ARHGEF18: variants seen among roughly 807,000 people sequenced by gnomAD.
The protein encoded by ARHGEF18 is rho guanine nucleotide exchange factor 18.
A neutral mutation model predicts 155.7 loss-of-function variants in ARHGEF18; 93 were observed. The observed-to-expected ratio is 0.60, with a 90% CI of 0.50 to 0.71. The LOEUF (loss-of-function observed/expected upper bound fraction) is 0.71. Among genes scored for constraint, ARHGEF18 ranks in the 30% least tolerant of loss-of-function variants. The pLI, the probability that ARHGEF18 is intolerant of heterozygous loss-of-function variation, is 0.00. For missense variants in ARHGEF18, 1,593 were observed against 1,816.1 expected (o/e 0.88, Z 2.23); for synonymous variants, 742 against 753.1 (o/e 0.99, Z 0.24).
chr19:7,375,462 A>G (rs1398142495), intron 3 of ARHGEF18, among the ~76,000 whole-genome samples: 2 of 152,116 alleles, frequency 1.3e-5, no homozygotes, highest in Non-Finnish European at 2.9e-5. Context: ...AAGAAAGAGA[A>G]AACCAGTCTG....
In ARHGEF18 at chr19:7,395,276, G is replaced by A. The variant is rs894844069; in HGVS notation, c.967+12073G>A. On this transcript the variant is annotated intron_variant, in intron 10 of 28. Coordinates refer to ENST00000668164, the MANE Select transcript of ARHGEF18 (RefSeq NM_001367823.1). The surrounding 1 kb of genome is among the most constrained non-coding windows in gnomAD (Gnocchi z 5.0). ...AGGACGGCGGCGGGGCGGTCCCGAG[G>A]AAAACGGGGCTCAGGAGGGGGCCCT... 5.8e-5 allele frequency: 57 copies of A among 985,840 alleles called. No homozygotes were observed. The highest frequency in any genetic ancestry group is 6.6e-5 in the Non-Finnish European group (55 of 830,408). The allele number at this position is 985,840 out of a possible 1,614,324, so 61.1% of individuals were successfully genotyped here.
chr19:7,464,374 T>C (rs566951949), intron 22 of ARHGEF18, among the ~76,000 whole-genome samples, 186 bp from the exon 23 acceptor site: 47 of 152,186 alleles, frequency 3.1e-4, no homozygotes, highest in African/African-American at 9.4e-4. Context: ...CCAGACATCG[T>C]TGGTTGTGTT....
At chr19:7,364,438 G>A (rs1310056714) in intron 2 of ARHGEF18, among the ~76,000 whole-genome samples, 1 of 146,908 alleles carries the variant, frequency 6.8e-6, no homozygotes, top group Admixed American at 6.9e-5. Context: ...AGCCTAGAAA[G>A]GTAGACTGAC....
intron 1 of ARHGEF18, among the ~76,000 whole-genome samples, chr19:7,352,604 G>C (rs2145308353): frequency 7.3e-6 from 1 of 137,854 alleles, no homozygotes; most frequent in Non-Finnish European, 1.5e-5. Flanking sequence ...CATGATCTGG[G>C]CTCACTGCAA....
rs908143746 is a variant in ARHGEF18 at position 7,440,509 on chromosome 19, CG to C, written c.1106+30del. On this transcript the variant is annotated intron_variant, in intron 11 of 28. Coordinates refer to ENST00000668164, the MANE Select transcript of ARHGEF18 (RefSeq NM_001367823.1). This position sits in a 1 kb window ranked among gnomAD's most constrained non-coding sequence, Gnocchi z 5.4. ...TAAGCCAGGGTCCCCTCTGTGCCCT[CG>C]GGTGGGTGGTGGCATTCCCCGGGGA... 6.4e-7 allele frequency: 1 copy of C among 1,574,018 alleles called. No homozygotes were observed. Among genetic ancestry groups the C allele is most frequent in the African/African-American group, 1.3e-5 (1 of 74,506 alleles).
rs571159873 is a variant in ARHGEF18, at chr19:7,468,959, C to A, written c.3615C>A (p.Thr1205=). 1 of 1,585,208 alleles carries A rather than the reference C, an allele frequency of 6.3e-7. No individual in the cohort carries two copies. Among genetic ancestry groups the A allele is most frequent in the Non-Finnish European group, 8.6e-7 (1 of 1,167,236 alleles). ...TGGCTCGCCGGGACAGCGCCCCCAC[C>A]GAGAACCGGCTGGCCAAGAGCGATG... ...PEVARRDSAP[T]ENRLAKSDVP... is the part of the protein sequence containing the mutation. Residue 1205 remains threonine, a synonymous_variant, in exon 27 of 29, where the codon ACC becomes ACA. Coordinates refer to ENST00000668164, the MANE Select transcript of ARHGEF18 (RefSeq NM_001367823.1).
intron 18 of ARHGEF18, among the ~76,000 whole-genome samples, chr19:7,458,194 G>A (rs1016863289): frequency 2.6e-5 from 4 of 151,576 alleles, no homozygotes; most frequent in Non-Finnish European, 5.9e-5. Flanking sequence ...GGCTGAGGTG[G>A]GAGGATCACT....
chr19:7,453,068 G>A (rs572768845), intron 16 of ARHGEF18, among the ~76,000 whole-genome samples: 9 of 151,808 alleles, frequency 5.9e-5, no homozygotes, highest in African/African-American at 1.7e-4. Context: ...GCATGGTGGC[G>A]GGTGCCTGTA....
At position 7,412,123 on chromosome 19, in the gene ARHGEF18, C is replaced by T. The variant is rs908159049; in HGVS notation, c.968-28221C>T. 1.8e-4 allele frequency among the ~76,000 whole-genome samples: 28 copies of T among 151,610 alleles called. No homozygotes were observed. The South Asian group carries it at 5.6e-3, about 31-fold the overall frequency. ...TGATCTTGGCTCACTGCAACCTCTG[C>T]CTCCCGGGTTCAAGCAATTCTCCTG... On this transcript the variant is annotated intron_variant, in intron 10 of 28. Transcript: ENST00000668164.
chr19:7,415,317 C>T (rs867016752), intron 10 of ARHGEF18, among the ~76,000 whole-genome samples: 2 of 151,992 alleles, frequency 1.3e-5, no homozygotes, highest in African/African-American at 2.4e-5. Flanking sequence ...CCCGTGCCAG[C>T]GGCTGCCTGC....
In ARHGEF18 at chr19:7,434,635, G is replaced by A. The variant is rs993682871; in HGVS notation, c.968-5709G>A. ...ACCCCAAGCACCATGGCCGTCTGCT[G>A]TAGGAAAAACCGTAGCAGGAGATAA... On this transcript the variant is annotated intron_variant, in intron 10 of 28. Coordinates refer to ENST00000668164, the MANE Select transcript of ARHGEF18 (RefSeq NM_001367823.1). Among the ~76,000 whole-genome samples the A allele has an allele frequency of 6.6e-5, 10 of 152,182 alleles. No homozygotes were observed. The East Asian group carries it at 1.2e-3, about 18-fold the overall frequency.
intron 10 of ARHGEF18, among the ~76,000 whole-genome samples, chr19:7,400,316 A>G (rs1163881852): frequency 6.6e-6 from 1 of 152,058 alleles, no homozygotes; most frequent in Non-Finnish European, 1.5e-5. Flanking sequence ...TAATTCCAGG[A>G]CATCTTATTA....
At chr19:7,459,758 C>A in intron 19 of ARHGEF18, 145 bp from the exon 20 acceptor site, 1 of 646,722 alleles carries the variant, frequency 1.5e-6, no homozygotes, top group Non-Finnish European at 2.6e-6. Flanking sequence ...CTCTCTTCCC[C>A]TCCTCGTCCT....
At chr19:7,467,793 G>A (rs1418215344) in intron 26 of ARHGEF18, 109 bp downstream of exon 26, 1 of 1,136,702 alleles carries the variant, frequency 8.8e-7, no homozygotes, top group Non-Finnish European at 1.2e-6. Context: ...GTGCAGGAGT[G>A]TAAGAGCAAA....
At chr19:7,455,052 C>A (rs538156814) in intron 17 of ARHGEF18, among the ~76,000 whole-genome samples, 1 of 152,270 alleles carries the variant, frequency 6.6e-6, no homozygotes, top group South Asian at 2.1e-4. Context: ...ATTTTTGGAG[C>A]CTCTAGAAAC....
At chr19:7,360,703 G>A (rs987091264) in intron 1 of ARHGEF18, among the ~76,000 whole-genome samples, 3 of 152,344 alleles carry the variant, frequency 2.0e-5, no homozygotes, top group African/African-American at 7.2e-5. Flanking sequence ...GGACTTGGCT[G>A]AGGAATGGGA....
Position 7,463,831 on chromosome 19 carries a change from G to A in ARHGEF18, c.2649G>A (p.Gln883=). ...TTCCTTCCACAGTCGAGGGCATCCA[G>A]AGCCTGATCTGCAGGCAGCTGGGCA... ...KSAMSEIEGI[Q]SLICRQLGSA... The change falls in exon 22 of 29, where the codon CAG becomes CAA. Residue 883 remains glutamine, a synonymous_variant. Transcript: ENST00000668164. This position sits in a 1 kb window ranked among gnomAD's most constrained non-coding sequence, Gnocchi z 5.2. 6.2e-7 allele frequency: 1 copy of A among 1,607,460 alleles called. No homozygotes were observed. Among genetic ancestry groups the A allele is most frequent in the Non-Finnish European group, 8.5e-7 (1 of 1,177,524 alleles).
chr19:7,466,534 G>A (rs2145905943), intron 23 of ARHGEF18, among the ~76,000 whole-genome samples: 1 of 151,016 alleles, frequency 6.6e-6, no homozygotes, highest in East Asian at 1.9e-4. Context: ...CAGGCATGGT[G>A]GCTCATGCCT....
intron 10 of ARHGEF18, among the ~76,000 whole-genome samples, chr19:7,416,906 TTTG>T (rs200922297): frequency 0.03 from 4,614 of 151,460 alleles, 93 homozygotes; most frequent in Middle Eastern, 0.045. Flanking sequence ...CCCGGCTGTT[TTTG>T]TTGTTGTTGT....
Sources: gnomAD v4.1 joint callset for allele counts (sites outside exome capture counted in the v4.1 genomes callset) on GRCh38, gnomAD v4.1.1 for gene constraint, Gnocchi (gnomAD v3.1) non-coding constraint, MANE v1.5 for transcripts, NCBI Gene and HGNC (gene_info 2026-07-23, HGNC 2026-07-21) for gene names.